HACL1: variants seen among roughly 807,000 people sequenced by gnomAD.
HACL1 encodes the protein 1600020H07Rik.
HACL1 carries 64 observed loss-of-function variants against 74.2 expected under a neutral mutation model. The observed-to-expected ratio is 0.86, with a 90% CI of 0.70 to 1.06. The LOEUF (loss-of-function observed/expected upper bound fraction) is 1.06. Among genes scored for constraint, HACL1 ranks in the 50% least tolerant of loss-of-function variants. HACL1 has a pLI of 0.00. For missense variants in HACL1, 728 were observed against 719.7 expected, an observed-to-expected ratio of 1.01 and a Z score of -0.13; for synonymous variants, 230 against 238.8, an observed-to-expected ratio of 0.96 and a Z score of 0.34.
intron 4 of HACL1, 83 bp from the exon 5 acceptor site, chr3:15,589,695 A>AAT: frequency 1.2e-6 from 1 of 849,254 alleles, no homozygotes; most frequent in Non-Finnish European, 2.0e-6. Flanking sequence ...ATTCACAACA[A>AAT]ATAATAAATG....
In HACL1 at chr3:15,568,002, C is replaced by T. The variant is rs139370092; in HGVS notation, c.1251G>A (p.Arg417=). Residue 417 remains arginine, a splice_region_variant and synonymous_variant, in exon 14 of 17, where the codon AGG becomes AGA. Coordinates refer to ENST00000321169, the MANE Select transcript of HACL1 (RefSeq NM_012260.4). ...TVLQNYLPRH[R]LDAGTFGTMG... ...TTGTTCCGAAAGTACCAGCATCAAG[C>T]CTGTTGGAGAACAAAGTTAAAATGA... 33 of 1,613,912 alleles carry T rather than the reference C, an allele frequency of 2.0e-5. No homozygotes were observed. The highest frequency in any genetic ancestry group is 2.6e-5 in the Non-Finnish European group (31 of 1,179,922).
rs1364081147 is a variant in HACL1, at chr3:15,592,528, A to ACATGTATACACATGTACGCACATGTGTG, written c.228-876_228-849dup. On this transcript the variant is annotated intron_variant, in intron 3 of 16. Transcript: ENST00000321169. Reference sequence around the variant, plus strand: ...TGTATATACACTTGTATACATATACACATGTATACACATGTACGCACATGT... The same window carrying ACATGTATACACATGTACGCACATGTGTG: ...TGTATATACACTTGTATACATATACACATGTATACACATGTACGCACATGTGTGCATGTATACACATGTACGCACATGT... 4.4e-3 allele frequency among the ~76,000 whole-genome samples: 639 copies of ACATGTATACACATGTACGCACATGTGTG among 145,038 alleles called. 43 individuals carry two copies. The highest frequency in any genetic ancestry group is 7.2e-3 in the Middle Eastern group (2 of 278).
intron 2 of HACL1, among the ~76,000 whole-genome samples, chr3:15,598,897 T>C (rs2064124452): frequency 6.6e-6 from 1 of 152,190 alleles, no homozygotes; most frequent in African/African-American, 2.4e-5. Flanking sequence ...TGTTCAAAAT[T>C]GAACATCACC....
At chr3:15,561,365 C>A (rs1191194594) in intron 16 of HACL1, among the ~76,000 whole-genome samples, 1 of 152,088 alleles carries the variant, frequency 6.6e-6, no homozygotes, top group African/African-American at 2.4e-5. Flanking sequence ...CACTGAGAAT[C>A]AATGATAAAT....
rs769832345 is a variant in HACL1, at chr3:15,567,921, G to A, written c.1332C>T (p.Ser444=). Residue 444 remains serine, a synonymous_variant, in exon 14 of 17, where the codon AGC becomes AGT. Coordinates refer to ENST00000321169, the MANE Select transcript of HACL1 (RefSeq NM_012260.4). ...CCACACAGATGATCCATTGCCCAGG[G>A]CTTCTATCTTTAGCCACCACGGCAG... ...IAAAVVAKDR[S]PGQWIICVEG... The A allele has an allele frequency of 3.7e-6, 6 of 1,613,936 alleles. No homozygotes were observed. Among genetic ancestry groups the A allele is most frequent in the Non-Finnish European group, 8.5e-7 (1 of 1,179,812 alleles).
intron 10 of HACL1, among the ~76,000 whole-genome samples, chr3:15,573,483 C>T (rs73148172): frequency 0.031 from 4,724 of 152,256 alleles, 208 homozygotes; most frequent in African/African-American, 0.096. Context: ...TTTGGTATTG[C>T]TTCATTATAC....
intron 14 of HACL1, among the ~76,000 whole-genome samples, chr3:15,566,849 T>G (rs1054563050): frequency 1.4e-5 from 2 of 146,772 alleles, no homozygotes; most frequent in Non-Finnish European, 3.0e-5. Context: ...GATGGAGTCT[T>G]GCTCTGTCGC....
intron 8 of HACL1, among the ~76,000 whole-genome samples, chr3:15,581,234 TG>T: frequency 6.6e-6 from 1 of 152,360 alleles, no homozygotes; most frequent in South Asian, 2.1e-4. Flanking sequence ...GTTATGTGCC[TG>T]GGAATAACCC....
chr3:15,591,737 C>T (rs2063899224), intron 3 of HACL1, 57 bp from the exon 4 acceptor site: 1 of 1,115,034 alleles, frequency 9.0e-7, no homozygotes, highest in South Asian at 1.3e-5. Context: ...TGATTCATAA[C>T]ACTTTAGTGT....
chr3:15,592,485 CTTGTATACATAT>C (rs1194265256), intron 3 of HACL1, among the ~76,000 whole-genome samples: 103 of 146,684 alleles, frequency 7.0e-4, no homozygotes, highest in African/African-American at 2.3e-3. Context: ...TATACATACA[CTTGTATACATAT>C]ACACTTGTAT....
At chr3:15,595,670 C>T (rs2064047986) in intron 3 of HACL1, among the ~76,000 whole-genome samples, 3 of 133,916 alleles carry the variant, frequency 2.2e-5, no homozygotes, top group African/African-American at 2.9e-5. Context: ...AGTGCAGTGG[C>T]GCAATCTCAG....
At position 15,571,782 on chromosome 3, in the gene HACL1, A is replaced by C. The variant is rs1574914769; in HGVS notation, c.994-13T>G. 1.1e-6 allele frequency: 1 copy of C among 918,406 alleles called. No homozygotes were observed. The highest frequency in any genetic ancestry group is 2.1e-5 in the Admixed American group (1 of 47,616). The allele number at this position is 918,406 out of a possible 1,614,324, so 56.9% of individuals were successfully genotyped here. A position where few individuals can be genotyped will look rare whatever the true frequency, so the allele number is the denominator to read the frequency against. ...GTTCCTCTAAAAGCTTAAAAAAAAA[A>C]AAACACACACACACAAACACATAAA... On this transcript the variant is annotated splice_polypyrimidine_tract_variant and intron_variant, in intron 11 of 16. Coordinates refer to ENST00000321169, the MANE Select transcript of HACL1 (RefSeq NM_012260.4).
chr3:15,601,078 G>C lies in HACL1; in HGVS notation c.186+12C>G, dbSNP rs138083684. 319 of 1,548,914 alleles carry C rather than the reference G, an allele frequency of 2.1e-4. No homozygotes were observed. The African/African-American group carries it at 4.2e-3, about 20-fold the overall frequency. ...CCCAGTAACGCATTCAGCCACCTGA[G>C]TCCATACTCACCGCTTGCTCATTCC... On this transcript the variant is annotated intron_variant, in intron 2 of 16. Coordinates refer to ENST00000321169, the MANE Select transcript of HACL1 (RefSeq NM_012260.4).
rs755665986 is a variant in HACL1 at position 15,573,233 on chromosome 3, A to G, written c.919T>C (p.Cys307Arg). The change falls in exon 11 of 17, where the codon TGT (cysteine) becomes CGT (arginine). Residue 307 changes from cysteine (C) to arginine (R), a missense_variant. Cys to Arg is a radical substitution (Grantham distance 180, BLOSUM62 -3). Transcript: ENST00000321169. ...PDVKFIQVDI[C>R]AEELGNNVKP... Reference sequence around the variant, plus strand: ...ACATTATTCCCCAATTCTTCTGCACAGATATCAACCTAAAAAAGAGACAAG... The same window carrying G: ...ACATTATTCCCCAATTCTTCTGCACGGATATCAACCTAAAAAAGAGACAAG... 154 of 1,600,604 alleles carry G rather than the reference A, an allele frequency of 9.6e-5. No individual in the cohort carries two copies. Among genetic ancestry groups the G allele is most frequent in the Admixed American group, 8.3e-5 (5 of 59,934 alleles).
chr3:15,569,759 G>A (rs1478569562), intron 12 of HACL1, among the ~76,000 whole-genome samples: 1 of 151,870 alleles, frequency 6.6e-6, no homozygotes, highest in Non-Finnish European at 1.5e-5. Context: ...GGCGGAGGTT[G>A]CGGTGAGCCA....
intron 9 of HACL1, among the ~76,000 whole-genome samples, chr3:15,576,505 A>T (rs112236382): frequency 1.5e-3 from 234 of 152,286 alleles, no homozygotes; most frequent in African/African-American, 5.4e-3. Flanking sequence ...TTCGTAAACA[A>T]CCACCCTTGC....
chr3:15,597,492 G>C (rs974091866), intron 2 of HACL1, among the ~76,000 whole-genome samples: 3 of 148,596 alleles, frequency 2.0e-5, no homozygotes, highest in African/African-American at 7.8e-5. Context: ...TTCTTAGTCT[G>C]GGACATCATT....
Position 15,563,601 on chromosome 3 carries a change from A to C in HACL1, c.1518-57T>G, listed in dbSNP as rs1043803360. ...TAAATCTTAAACCTTGTAGAAAAAA[A>C]GTCATTCTCTGAAATACTTCATTAA... On this transcript the variant is annotated intron_variant, in intron 15 of 16. Transcript: ENST00000321169. 2.6e-6 allele frequency: 3 copies of C among 1,143,110 alleles called. No individual in the cohort carries two copies. The African/African-American group carries it at 4.7e-5, about 18-fold the overall frequency. The allele number at this position is 1,143,110 out of a possible 1,614,324, so 70.8% of individuals were successfully genotyped here. A position where few individuals can be genotyped will look rare whatever the true frequency, so the allele number is the denominator to read the frequency against.
intron 2 of HACL1, among the ~76,000 whole-genome samples, chr3:15,599,055 A>G (rs1327980943): frequency 6.6e-6 from 1 of 152,224 alleles, no homozygotes; most frequent in Non-Finnish European, 1.5e-5. Context: ...ATGCCTGCTT[A>G]TCCTTCAGGA....
Sources: gnomAD v4.1 joint callset for allele counts (sites outside exome capture counted in the v4.1 genomes callset) on GRCh38, gnomAD v4.1.1 for gene constraint, MANE v1.5 for transcripts, NCBI Gene and HGNC (gene_info 2026-07-23, HGNC 2026-07-21) for gene names.